Variants in PPP1R13B observed in about 807,000 individuals in gnomAD.
The protein encoded by PPP1R13B is protein phosphatase 1 regulatory subunit 13B.
A neutral mutation model predicts 119.8 loss-of-function variants in PPP1R13B; 44 were observed. The observed-to-expected ratio is 0.37, with a 90% CI of 0.29 to 0.47. The LOEUF (loss-of-function observed/expected upper bound fraction) is 0.47, where lower values mean the gene tolerates loss of function less well. PPP1R13B is among the 20% of genes least tolerant of loss of function. PPP1R13B has a pLI of 0.99. For synonymous variants in PPP1R13B, 542 were observed against 561.5 expected (o/e 0.97, Z 0.49); for missense variants, 1,227 against 1,413.5 (o/e 0.87, Z 2.12).
intron 1 of PPP1R13B, among the ~76,000 whole-genome samples, chr14:103,807,492 C>G (rs546968169): frequency 6.6e-6 from 1 of 152,270 alleles, no homozygotes; most frequent in East Asian, 1.9e-4. Flanking sequence ...CCCAATTATA[C>G]GTAAAATGTC....
intron 1 of PPP1R13B, among the ~76,000 whole-genome samples, chr14:103,818,009 T>A (rs1157609881): frequency 6.6e-6 from 1 of 151,556 alleles, no homozygotes; most frequent in African/African-American, 2.4e-5. Context: ...AAATCAAACT[T>A]TTTTTTTATA....
upstream of PPP1R13B, chr14:103,847,599 C>T (rs1348204952): frequency 4.1e-6 from 4 of 986,464 alleles, no homozygotes; most frequent in African/African-American, 1.8e-5. Context: ...CCGGCTCGCT[C>T]TTCAGCCCCC....
chr14:103,778,071 C>T (rs2085250103), intron 4 of PPP1R13B, among the ~76,000 whole-genome samples: 1 of 151,614 alleles, frequency 6.6e-6, no homozygotes, highest in African/African-American at 2.4e-5. Context: ...CCTGCCTCAG[C>T]CTCCTGAGTA....
chr14:103,810,593 GA>G (rs2086127977), intron 1 of PPP1R13B, among the ~76,000 whole-genome samples: 1 of 151,506 alleles, frequency 6.6e-6, no homozygotes, highest in African/African-American at 2.4e-5. Context: ...CTAACACAGT[GA>G]AACTCGTCTC....
Position 103,735,715 on chromosome 14 carries a change from G to A in PPP1R13B, c.3231+288C>T, listed in dbSNP as rs553937371. Among the ~76,000 whole-genome samples the A allele has an allele frequency of 1.1e-4, 17 of 152,326 alleles. 1 individual carries two copies. The highest frequency in any genetic ancestry group is 3.9e-4 in the East Asian group (2 of 5,188). ...GGGGAAAGTGTGGGTGGGCTGAGCC[G>A]GGCCACTTGGTGAAGTTCATCATGA... is the stretch of plus-strand genomic sequence containing the variant. On this transcript the variant is annotated intron_variant, in intron 16 of 16. Coordinates refer to ENST00000202556, the MANE Select transcript of PPP1R13B (RefSeq NM_015316.3).
In PPP1R13B at chr14:103,794,301, A is replaced by T. The variant is rs560337810; in HGVS notation, c.157+3070T>A. On this transcript the variant is annotated intron_variant, in intron 2 of 16. Transcript: ENST00000202556. ...ACATACTGATCATACTAATGTCAGC[A>T]GTTATGGGGGCAGTAATTTGTTTTT... Among the ~76,000 whole-genome samples, 14 of 150,640 alleles carry T rather than the reference A, an allele frequency of 9.3e-5. No individual in the cohort carries two copies. In the South Asian group the frequency reaches 1.9e-3, roughly 20 times the overall value.
rs930890457 is a variant in PPP1R13B, at chr14:103,819,837, T to C, written c.10-22319A>G. On this transcript the variant is annotated intron_variant, in intron 1 of 16. Transcript: ENST00000202556. ...CTTTTGAGAGGTTACAAAACAACAG[T>C]TGGTTTCTGCCACTTGAAACCAAAA... Among the ~76,000 whole-genome samples the C allele has an allele frequency of 2.0e-5, 3 of 152,108 alleles. No individual in the cohort carries two copies. The East Asian group carries it at 5.8e-4, about 29-fold the overall frequency.
chr14:103,790,689 T>G (rs2085595737), intron 2 of PPP1R13B, among the ~76,000 whole-genome samples: 1 of 152,106 alleles, frequency 6.6e-6, no homozygotes, highest in Non-Finnish European at 1.5e-5. Context: ...CCAGCCTGCG[T>G]GACAGAATGA....
intron 3 of PPP1R13B, among the ~76,000 whole-genome samples, chr14:103,784,325 A>G (rs1157205787): frequency 6.6e-6 from 1 of 152,100 alleles, no homozygotes; most frequent in Non-Finnish European, 1.5e-5. Context: ...GCTGACACCT[A>G]TAATCCCAGA....
chr14:103,807,459 G>T (rs74088714), intron 1 of PPP1R13B, among the ~76,000 whole-genome samples: 1 of 152,110 alleles, frequency 6.6e-6, no homozygotes, highest in Non-Finnish European at 1.5e-5. Context: ...TGCCTGGCAC[G>T]TAAGAAGCAC....
intron 1 of PPP1R13B, among the ~76,000 whole-genome samples, chr14:103,822,598 G>C (rs2086436900): frequency 6.6e-6 from 1 of 152,144 alleles, no homozygotes; most frequent in South Asian, 2.1e-4. Context: ...TGGATCACAA[G>C]GTCAGGAGTT....
chr14:103,782,166 A>C (rs943845514), intron 3 of PPP1R13B, among the ~76,000 whole-genome samples: 1 of 152,108 alleles, frequency 6.6e-6, no homozygotes, highest in Admixed American at 6.6e-5. Flanking sequence ...TATCTTTCCA[A>C]AACTGCTTTA....
At chr14:103,791,401 G>A (rs191014592) in intron 2 of PPP1R13B, among the ~76,000 whole-genome samples, 1 of 152,212 alleles carries the variant, frequency 6.6e-6, no homozygotes, top group East Asian at 1.9e-4. Flanking sequence ...AGTATCTGTA[G>A]AGCAAAAAAC....
At position 103,828,592 on chromosome 14, in the gene PPP1R13B, G is replaced by T. The variant is rs55864439; in HGVS notation, c.9+18707C>A. On this transcript the variant is annotated intron_variant, in intron 1 of 16. Coordinates refer to ENST00000202556, the MANE Select transcript of PPP1R13B (RefSeq NM_015316.3). ...AAGGACAGCAGAAAACTATGGTACA[G>T]AACTGCAGAATGCCACGAGATCCCA... is the stretch of plus-strand genomic sequence containing the variant. Among the ~76,000 whole-genome samples the T allele has an allele frequency of 1.6e-3, 239 of 152,210 alleles. 1 individual carries two copies. The highest frequency in any genetic ancestry group is 5.5e-3 in the African/African-American group (227 of 41,530).
chr14:103,809,772 A>G (rs930995475), intron 1 of PPP1R13B, among the ~76,000 whole-genome samples: 4 of 151,870 alleles, frequency 2.6e-5, no homozygotes, highest in Admixed American at 2.6e-4. Flanking sequence ...GCAGTGAGCT[A>G]TGATCAAACC....
At chr14:103,736,291 TGCCGAGGCTGCTCTCAGCAGGCC>T (rs2084109319) in intron 15 of PPP1R13B, 89 bp from the exon 16 acceptor site, 1 of 1,392,448 alleles carries the variant, frequency 7.2e-7, no homozygotes, top group African/African-American at 1.4e-5. Flanking sequence ...GTCGTGCTGC[TGCCGAGGCTGCTCTCAGCAGGCC>T]CCACAGAGGC....
chr14:103,776,380 A>G (rs972788985), intron 4 of PPP1R13B, among the ~76,000 whole-genome samples: 1 of 152,240 alleles, frequency 6.6e-6, no homozygotes, highest in South Asian at 2.1e-4. Flanking sequence ...TAGCAATTCA[A>G]TAATAAGTTG....
intron 1 of PPP1R13B, among the ~76,000 whole-genome samples, chr14:103,821,135 G>A (rs1241685112): frequency 2.0e-5 from 3 of 152,116 alleles, no homozygotes; most frequent in African/African-American, 7.2e-5. Flanking sequence ...ATTTGTCAAG[G>A]TTAATAAATC....
intron 1 of PPP1R13B, among the ~76,000 whole-genome samples, chr14:103,808,463 A>G (rs1322577377): frequency 6.6e-6 from 1 of 152,206 alleles, no homozygotes; most frequent in East Asian, 1.9e-4. Context: ...AAAGATCATT[A>G]AAAAACATAT....
Sources: allele counts gnomAD v4.1 joint callset (sites outside exome capture counted in the v4.1 genomes callset), GRCh38; gene constraint gnomAD v4.1.1; transcripts MANE v1.5; gene names NCBI Gene and HGNC (gene_info 2026-07-23, HGNC 2026-07-21).